Variants in NBEA observed in about 807,000 individuals in gnomAD.
NBEA encodes lysosomal-trafficking regulator 2.
In NBEA, 44 loss-of-function variants were observed where a neutral mutation model predicts 343.4. The observed-to-expected ratio is 0.13, with a 90% CI of 0.10 to 0.16. NBEA has a LOEUF of 0.16. Ranked by LOEUF, NBEA falls within the 10% of genes least tolerant of loss-of-function variation. The pLI is 1.00. For missense variants in NBEA, 2,555 were observed against 3,631.3 expected (o/e 0.70, Z 7.62); for synonymous variants, 1,175 against 1,238.7 (o/e 0.95, Z 1.08).
At chr13:35,209,834 G>T (rs2073646488) in intron 32 of NBEA, among the ~76,000 whole-genome samples, 1 of 151,992 alleles carries the variant, frequency 6.6e-6, no homozygotes. Flanking sequence ...ACTCTATTAA[G>T]AATATTTATA....
chr13:35,467,633 T>C (rs1252172224), intron 40 of NBEA, among the ~76,000 whole-genome samples: 1 of 152,198 alleles, frequency 6.6e-6, no homozygotes, highest in Admixed American at 6.5e-5. Context: ...ATAATATTAT[T>C]TTACATTGAA....
chr13:35,207,099 C>A (rs2073445117), intron 31 of NBEA, among the ~76,000 whole-genome samples: 1 of 151,468 alleles, frequency 6.6e-6, no homozygotes, highest in Admixed American at 6.6e-5. Flanking sequence ...GATTATAATA[C>A]CTTAATTATA....
intron 8 of NBEA, among the ~76,000 whole-genome samples, chr13:35,065,942 A>T (rs1593234869): frequency 6.6e-6 from 1 of 152,182 alleles, no homozygotes; most frequent in East Asian, 1.9e-4. Flanking sequence ...AGTTTGGTCT[A>T]TTCAGGGAAT....
At chr13:35,057,883 G>A (rs1173290377) in intron 7 of NBEA, among the ~76,000 whole-genome samples, 1 of 152,120 alleles carries the variant, frequency 6.6e-6, no homozygotes, top group Non-Finnish European at 1.5e-5. Flanking sequence ...TGTATTTAAT[G>A]ACGACAATTT....
Position 35,555,066 on chromosome 13 carries a change from A to G in NBEA, c.6886A>G (p.Asn2296Asp). The G allele has an allele frequency of 6.2e-7, 1 of 1,610,712 alleles. No homozygotes were observed. Reference sequence around the variant, plus strand: ...GCGCTGGCAAAGAAGGGAAATTTCAAACTTCGAATATTTGATGTTCCTTAA... The same window carrying G: ...GCGCTGGCAAAGAAGGGAAATTTCAGACTTCGAATATTTGATGTTCCTTAA... ...TQRWQRREIS[N>D]FEYLMFLNTI... Residue 2296 changes from asparagine to aspartate, a missense_variant, in exon 44 of 59, where the codon AAC (asparagine) becomes GAC (aspartate). Asn to Asp is a conservative substitution (Grantham distance 23). This residue lies in a region of NBEA where 38 missense variants were observed against 97.2 expected (regional missense o/e 0.39). Transcript: ENST00000379939.
At chr13:35,372,223 T>G (rs1156898532) in intron 38 of NBEA, among the ~76,000 whole-genome samples, 1 of 152,150 alleles carries the variant, frequency 6.6e-6, no homozygotes, top group African/African-American at 2.4e-5. Flanking sequence ...AGGACAACCC[T>G]CCGGCTCCCA....
intron 10 of NBEA, among the ~76,000 whole-genome samples, chr13:35,074,821 G>A (rs2064041649): frequency 6.6e-6 from 1 of 151,980 alleles, no homozygotes; most frequent in Non-Finnish European, 1.5e-5. Flanking sequence ...TTTGGGGGGA[G>A]GGAAGTGGCT....
chr13:35,424,579 A>G (rs78853077), intron 38 of NBEA, among the ~76,000 whole-genome samples: 2 of 152,184 alleles, frequency 1.3e-5, no homozygotes, highest in African/African-American at 2.4e-5. Flanking sequence ...TTTTGCATCA[A>G]TGTTCATCAA....
At chr13:35,602,191 C>G (rs1043620967) in intron 47 of NBEA, among the ~76,000 whole-genome samples, 1 of 152,138 alleles carries the variant, frequency 6.6e-6, no homozygotes, top group African/African-American at 2.4e-5. Flanking sequence ...AGATGAAACG[C>G]TCATATTCTT....
intron 48 of NBEA, among the ~76,000 whole-genome samples, chr13:35,621,849 A>G (rs1014709926): frequency 6.6e-5 from 10 of 152,250 alleles, no homozygotes; most frequent in Admixed American, 2.0e-4. Flanking sequence ...AGAATTAGAT[A>G]AAGTCCCTAT....
intron 41 of NBEA, among the ~76,000 whole-genome samples, chr13:35,522,475 C>CAAAAAAAAAAAAAAAAAAAA (rs138270833): frequency 7.1e-5 from 3 of 42,036 alleles, no homozygotes; most frequent in Non-Finnish European, 1.7e-4. Context: ...ATACCATCTC[C>CAAAAAAAAAAAAAAAAAAAA]AAAAAAAAAA....
At chr13:35,544,659 TA>T (rs1185728933) in intron 41 of NBEA, among the ~76,000 whole-genome samples, 2 of 152,190 alleles carry the variant, frequency 1.3e-5, no homozygotes, top group Non-Finnish European at 2.9e-5. Context: ...ATAAGTGAAC[TA>T]AAATTCATAA....
intron 1 of NBEA, among the ~76,000 whole-genome samples, chr13:34,986,669 T>A (rs995044668): frequency 2.7e-5 from 4 of 150,878 alleles, no homozygotes; most frequent in African/African-American, 9.7e-5. Flanking sequence ...TGTGGGAGTC[T>A]AAGTCTCTTT....
chr13:35,623,809 G>A (rs2083102593), intron 48 of NBEA, among the ~76,000 whole-genome samples: 2 of 152,050 alleles, frequency 1.3e-5, no homozygotes, highest in African/African-American at 4.8e-5. Flanking sequence ...AAAATTCAAG[G>A]CCCATATTAC....
chr13:35,020,712 G>A (rs996024803), intron 1 of NBEA, among the ~76,000 whole-genome samples: 10 of 152,104 alleles, frequency 6.6e-5, no homozygotes, highest in Admixed American at 3.3e-4. Context: ...TAGAGACAGG[G>A]TTTTGCCATG....
chr13:35,213,330 T>C (rs1164921537), intron 33 of NBEA, among the ~76,000 whole-genome samples: 1 of 152,064 alleles, frequency 6.6e-6, no homozygotes, highest in East Asian at 1.9e-4. Flanking sequence ...TGTCTTTAAG[T>C]CATACCATCT....
chr13:35,665,279 C>T (rs989004193), intron 56 of NBEA, 93 bp downstream of exon 56: 1 of 1,031,906 alleles, frequency 9.7e-7, no homozygotes. Context: ...CAGGAAGCTT[C>T]CCATAGACAA....
chr13:35,589,189 G>A (rs1252461379), intron 46 of NBEA, among the ~76,000 whole-genome samples: 1 of 152,096 alleles, frequency 6.6e-6, no homozygotes, highest in Non-Finnish European at 1.5e-5. Flanking sequence ...ACTTTTGGAA[G>A]ATTCTAAAAG....
chr13:35,565,452 T>C (rs558602343), intron 44 of NBEA, among the ~76,000 whole-genome samples: 8 of 152,106 alleles, frequency 5.3e-5, no homozygotes, highest in Non-Finnish European at 1.2e-4. Context: ...AATTTCCTGA[T>C]GATGAACAAG....
Sources: allele counts gnomAD v4.1 joint callset (sites outside exome capture counted in the v4.1 genomes callset), GRCh38; gene constraint gnomAD v4.1.1; regional missense constraint gnomAD v4.1.1; transcripts MANE v1.5; gene names NCBI Gene and HGNC (gene_info 2026-07-23, HGNC 2026-07-21).